MIPOL1: variants seen among roughly 807,000 people sequenced by gnomAD.
MIPOL1 encodes mirror-image polydactyly 1, also known as mirror-image polydactyly gene 1 protein.
A neutral mutation model predicts 60.9 loss-of-function variants in MIPOL1; 57 were observed. The observed-to-expected ratio is 0.94, with a 90% CI of 0.76 to 1.17. The LOEUF (loss-of-function observed/expected upper bound fraction) is 1.17. Among genes scored for constraint, MIPOL1 ranks in the 50% most tolerant of loss-of-function variants. The pLI is 0.00. For synonymous variants in MIPOL1, 179 were observed against 168.8 expected, an observed-to-expected ratio of 1.06 and a Z score of -0.47; for missense variants, 551 against 511.6, an observed-to-expected ratio of 1.08 and a Z score of -0.74.
intron 4 of MIPOL1, among the ~76,000 whole-genome samples, chr14:37,268,149 A>AT (rs2083021395): frequency 1.3e-5 from 2 of 152,184 alleles, no homozygotes; most frequent in South Asian, 4.1e-4. Flanking sequence ...TTTTTAACAG[A>AT]TTTTTGCATA....
At chr14:37,430,908 G>C (rs189086076) in intron 11 of MIPOL1, among the ~76,000 whole-genome samples, 65 of 152,146 alleles carry the variant, frequency 4.3e-4, no homozygotes, top group Admixed American at 1.8e-3. Flanking sequence ...AATTTTCTGC[G>C]CCTTATTCAA....
At chr14:37,286,736 A>T (rs1269222616) in intron 7 of MIPOL1, among the ~76,000 whole-genome samples, 1 of 152,172 alleles carries the variant, frequency 6.6e-6, no homozygotes, top group Non-Finnish European at 1.5e-5. Flanking sequence ...TTGAAGATTG[A>T]TAGGCTCATT....
At chr14:37,410,892 TA>T (rs888042747) in intron 10 of MIPOL1, among the ~76,000 whole-genome samples, 3 of 152,132 alleles carry the variant, frequency 2.0e-5, no homozygotes, top group African/African-American at 4.8e-5. Flanking sequence ...AAAGTTAGCA[TA>T]TTTTTTTATT....
intron 1 of MIPOL1, among the ~76,000 whole-genome samples, chr14:37,202,125 C>T (rs1350983496): frequency 6.6e-6 from 1 of 152,124 alleles, no homozygotes; most frequent in African/African-American, 2.4e-5. Flanking sequence ...AGCCACTGCA[C>T]CAGCCCATTT....
intron 11 of MIPOL1, among the ~76,000 whole-genome samples, chr14:37,464,921 C>A (rs932388303): frequency 6.6e-6 from 1 of 152,082 alleles, no homozygotes; most frequent in Non-Finnish European, 1.5e-5. Context: ...GTTACCTGTG[C>A]AGCCTGAGTT....
At chr14:37,542,305 A>G (rs1042799329) in intron 12 of MIPOL1, among the ~76,000 whole-genome samples, 5 of 151,852 alleles carry the variant, frequency 3.3e-5, no homozygotes, top group Admixed American at 2.6e-4. Flanking sequence ...TTTTCTTTAT[A>G]TATTTGTTGT....
intron 10 of MIPOL1, among the ~76,000 whole-genome samples, chr14:37,384,727 A>G (rs1046222846): frequency 2.0e-5 from 3 of 151,990 alleles, no homozygotes; most frequent in Admixed American, 1.3e-4. Context: ...AATATAAAGA[A>G]TTAATTTTTC....
Position 37,248,961 on chromosome 14 carries a change from G to GA in MIPOL1, c.19+1059dup, listed in dbSNP as rs558960515. Among the ~76,000 whole-genome samples, 7 of 151,142 alleles carry GA rather than the reference G, an allele frequency of 4.6e-5. No homozygotes were observed. In the South Asian group the frequency reaches 1.5e-3, roughly 32 times the overall value. ...ACAGAGACAGACTGAGATATGGCCTGAAAAACAAATGGAAGGATGGATGGA... is the reference window on the plus strand; with the variant it reads ...ACAGAGACAGACTGAGATATGGCCTGAAAAAACAAATGGAAGGATGGATGGA... On this transcript the variant is annotated intron_variant, in intron 3 of 12. Coordinates refer to ENST00000684589, the MANE Select transcript of MIPOL1 (RefSeq NM_001388067.1).
At chr14:37,451,135 T>C (rs979342733) in intron 11 of MIPOL1, among the ~76,000 whole-genome samples, 3 of 152,220 alleles carry the variant, frequency 2.0e-5, no homozygotes, top group South Asian at 2.1e-4. Context: ...CATTTATTCA[T>C]CAAGATTGAT....
At chr14:37,501,529 A>T (rs533249924) in intron 12 of MIPOL1, 1 of 152,204 alleles carries the variant, frequency 6.6e-6, no homozygotes, top group Non-Finnish European at 1.5e-5. Flanking sequence ...CTCATCAACT[A>T]TCATCATCAT....
intron 9 of MIPOL1, among the ~76,000 whole-genome samples, chr14:37,368,610 ATAAAT>A (rs552673382): frequency 1.6e-4 from 25 of 152,204 alleles, no homozygotes; most frequent in African/African-American, 5.8e-4. Context: ...TTTAAAATAG[ATAAAT>A]TAAGGAATGG....
At chr14:37,253,361 A>G (rs536806807) in intron 3 of MIPOL1, among the ~76,000 whole-genome samples, 1 of 151,894 alleles carries the variant, frequency 6.6e-6, no homozygotes, top group Non-Finnish European at 1.5e-5. Context: ...GAGATAATCT[A>G]TTTAGGACCA....
At chr14:37,211,607 A>T (rs77487927) in intron 1 of MIPOL1, among the ~76,000 whole-genome samples, 3 of 152,014 alleles carry the variant, frequency 2.0e-5, no homozygotes, top group Non-Finnish European at 4.4e-5. Flanking sequence ...GCAGCACTCT[A>T]TGTCTCCATA....
At position 37,349,462 on chromosome 14, in the gene MIPOL1, C is replaced by T. The variant is rs764027059; in HGVS notation, c.829-20055C>T. 1.8e-3 allele frequency among the ~76,000 whole-genome samples: 269 copies of T among 152,292 alleles called. 2 individuals are homozygous for T. The highest frequency in any genetic ancestry group is 3.2e-3 in the Non-Finnish European group (215 of 68,022). On this transcript the variant is annotated intron_variant, in intron 9 of 12. Coordinates refer to ENST00000684589, the MANE Select transcript of MIPOL1 (RefSeq NM_001388067.1). ...CTCATCTCCCACTCTTCTCCTCCCG[C>T]TTGCTTACTTCATTCATTCCTGCTA...
chr14:37,400,837 T>A (rs1307139686), intron 10 of MIPOL1: 1 of 152,130 alleles, frequency 6.6e-6, no homozygotes, highest in Non-Finnish European at 1.5e-5. Flanking sequence ...GGTTTTGAAA[T>A]GTGCTCAGGG....
At chr14:37,375,483 C>T (rs2092750703) in intron 10 of MIPOL1, among the ~76,000 whole-genome samples, 1 of 152,078 alleles carries the variant, frequency 6.6e-6, no homozygotes, top group Admixed American at 6.6e-5. Context: ...CCATGCCCAG[C>T]CTCCTTTTTA....
chr14:37,318,169 A>T (rs1203219695), intron 9 of MIPOL1, among the ~76,000 whole-genome samples: 3 of 152,192 alleles, frequency 2.0e-5, no homozygotes. Flanking sequence ...TCAATGATGT[A>T]ACCTTCAAGG....
intron 12 of MIPOL1, among the ~76,000 whole-genome samples, chr14:37,545,334 C>T (rs2153643762): frequency 6.6e-6 from 1 of 152,218 alleles, no homozygotes; most frequent in East Asian, 1.9e-4. Context: ...TTAAACATTG[C>T]CTTAAAGGAT....
intron 10 of MIPOL1, among the ~76,000 whole-genome samples, chr14:37,393,848 C>G (rs1203867921): frequency 1.3e-5 from 2 of 150,570 alleles, no homozygotes; most frequent in Non-Finnish European, 3.0e-5. Context: ...CCCTTGCCCC[C>G]TCCCACCCCT....
Sources: gnomAD v4.1 joint callset for allele counts (sites outside exome capture counted in the v4.1 genomes callset) on GRCh38, gnomAD v4.1.1 for gene constraint, MANE v1.5 for transcripts, NCBI Gene and HGNC (gene_info 2026-07-23, HGNC 2026-07-21) for gene names.